Variants in DENND2C observed in about 807,000 individuals in gnomAD.
The protein encoded by DENND2C is DENN domain-containing protein 2C.
In DENND2C, 72 loss-of-function variants were observed where a neutral mutation model predicts 112.4. The ratio of observed to expected loss-of-function variants is 0.64; its 90% CI spans 0.53 to 0.78. The LOEUF is 0.78. Among genes scored for constraint, DENND2C ranks in the 30% least tolerant of loss-of-function variants. The probability of loss-of-function intolerance (pLI) is 0.00; values close to 1 mark genes in which losing one functional copy is unlikely to be tolerated. For missense variants in DENND2C, 992 were observed against 1,113.8 expected, an observed-to-expected ratio of 0.89 and a Z score of 1.56; for synonymous variants, 329 against 381.6, an observed-to-expected ratio of 0.86 and a Z score of 1.61.
At chr1:114,663,410 A>G (rs1657553692) in intron 1 of DENND2C, among the ~76,000 whole-genome samples, 1 of 152,246 alleles carries the variant, frequency 6.6e-6, no homozygotes. Flanking sequence ...CTCTGTATCT[A>G]AAGTTCCAAA....
chr1:114,587,325 G>C, intron 20 of DENND2C, 62 bp downstream of exon 20: 1 of 1,571,746 alleles, frequency 6.4e-7, no homozygotes, highest in Non-Finnish European at 8.8e-7. Flanking sequence ...GGAATTACAG[G>C]CATGAGCCAC....
chr1:114,644,096 A>T (rs796568980), intron 3 of DENND2C, among the ~76,000 whole-genome samples: 8 of 152,238 alleles, frequency 5.3e-5, no homozygotes, highest in African/African-American at 1.9e-4. Context: ...CTCCACCTTT[A>T]AAACAAATCA....
In DENND2C at chr1:114,587,951, A is replaced by G. The variant is rs1655086859; in HGVS notation, c.2433T>C (p.Asp811=). 6.2e-7 allele frequency: 1 copy of G among 1,611,708 alleles called. No individual in the cohort carries two copies. The highest frequency in any genetic ancestry group is 1.3e-5 in the African/African-American group (1 of 74,708). The change falls in exon 19 of 21, where the codon GAT becomes GAC. Residue 811 remains aspartate (D), a splice_region_variant and synonymous_variant. Coordinates refer to ENST00000393274, the MANE Select transcript of DENND2C (RefSeq NM_001256404.2). ...CGGACACCAGAGAGTTGAGTGTCAC[A>G]TCTGCTGCAACATGAAAAAGAAAAA... The part of the protein sequence containing the change: ...ILTQEQNFSQ[D]VTLNSLVSEA...
chr1:114,660,838 C>T (rs867861501), intron 1 of DENND2C, among the ~76,000 whole-genome samples: 2 of 152,018 alleles, frequency 1.3e-5, no homozygotes, highest in Admixed American at 6.6e-5. Flanking sequence ...TCCTGCCGGG[C>T]GTGGTGTCTC....
In DENND2C at chr1:114,587,444, A is replaced by C. The variant is rs1655067685; in HGVS notation, c.2698T>G (p.Leu900Val). 1 of 1,614,206 alleles carries C rather than the reference A, an allele frequency of 6.2e-7. No individual in the cohort carries two copies. Among genetic ancestry groups the C allele is most frequent in the Admixed American group, 1.7e-5 (1 of 60,028 alleles). ...GGCTCCGACTCAGGAATTGTTTCCA[A>C]ATACTGGATGGCCCGGATCTCAAAC... ...GLFEIRAIQY[L>V]ETIPESEPSG... The change falls in exon 20 of 21, where the codon TTG becomes GTG. Residue 900 changes from leucine to valine, a missense_variant. This residue lies in a region of DENND2C where 516 missense variants were observed against 623.6 expected (regional missense o/e 0.83). Transcript: ENST00000393274.
intron 10 of DENND2C, among the ~76,000 whole-genome samples, chr1:114,607,176 A>C (rs193113532): frequency 3.3e-5 from 5 of 152,366 alleles, no homozygotes; most frequent in Admixed American, 6.5e-5. Context: ...GAAGCAGCAG[A>C]AGGTGACACC....
chr1:114,612,462 C>T (rs572740478), intron 8 of DENND2C, among the ~76,000 whole-genome samples: 8 of 151,684 alleles, frequency 5.3e-5, no homozygotes, highest in Non-Finnish European at 8.8e-5. Flanking sequence ...ACTGATCCCC[C>T]CTACCTCAGC....
chr1:114,627,612 C>CT (rs1656382561), intron 3 of DENND2C, among the ~76,000 whole-genome samples: 1 of 148,692 alleles, frequency 6.7e-6, no homozygotes. Context: ...ATCCAAAAAA[C>CT]TTTAAGAAAT....
At chr1:114,600,431 C>CTTA (rs139820917) in intron 14 of DENND2C, 79 bp from the exon 15 acceptor site, 47,402 of 1,552,680 alleles carry the variant, frequency 0.031, 915 homozygotes, top group Non-Finnish European at 0.033. Context: ...TCCTGTTATT[C>CTTA]TTATATAAGT....
At chr1:114,600,764 T>C in intron 14 of DENND2C, 56 bp downstream of exon 14, 1 of 1,574,152 alleles carries the variant, frequency 6.4e-7, no homozygotes, top group Admixed American at 1.9e-5. Context: ...AACTGCCTAC[T>C]AGTGTAAGTC....
chr1:114,597,387 T>C (rs943293725), intron 16 of DENND2C, among the ~76,000 whole-genome samples: 1 of 150,876 alleles, frequency 6.6e-6, no homozygotes, highest in African/African-American at 2.4e-5. Flanking sequence ...GAGGTTGCAG[T>C]GAGCCGAGAT....
intron 16 of DENND2C, 73 bp downstream of exon 16, chr1:114,599,201 A>G (rs1263612167): frequency 8.5e-7 from 1 of 1,173,480 alleles, no homozygotes; most frequent in African/African-American, 1.5e-5. Context: ...ATTAATAACA[A>G]TTCCACCACT....
rs115220484 is a variant in DENND2C, at chr1:114,594,611, T to C, written c.2326-33A>G. On this transcript the variant is annotated intron_variant, in intron 17 of 20. Transcript: ENST00000393274. ...AGAAAAAAAAATGGAGATTTTTCTT[T>C]GTTTGAGATTTGAGGGATTAAGTCT... The C allele has an allele frequency of 2.2e-3, 3,407 of 1,572,012 alleles. 63 individuals are homozygous for C. In the African/African-American group the frequency reaches 0.039, roughly 18 times the overall value.
intron 11 of DENND2C, among the ~76,000 whole-genome samples, chr1:114,602,756 G>A (rs1655547278): frequency 3.9e-5 from 6 of 151,908 alleles, no homozygotes. Context: ...TAGAGATAAG[G>A]TCTCACTATC....
At chr1:114,599,068 A>G (rs561566922) in intron 16 of DENND2C, among the ~76,000 whole-genome samples, 10 of 152,286 alleles carry the variant, frequency 6.6e-5, no homozygotes, top group African/African-American at 2.4e-4. Context: ...TGTAAATAAG[A>G]TACAGCTTTG....
In DENND2C at chr1:114,623,584, C is replaced by T. The variant is rs370489313; in HGVS notation, c.866G>A (p.Arg289His). ...CCCAGAATTTCTTCCAAGTTCTTCA[C>T]GAATCGTCTGTGAGTTCCGATTTCG... ...HFRNRNSQTI[R>H]EELGRNSGSA... is the part of the protein sequence containing the mutation. The change falls in exon 5 of 21, where the codon CGT becomes CAT. Residue 289 changes from arginine (R) to histidine (H), a missense_variant. By Grantham distance (29) the Arg-to-His change is conservative. Transcript: ENST00000393274. 24 of 1,609,526 alleles carry T rather than the reference C, an allele frequency of 1.5e-5. No individual in the cohort carries two copies. Among genetic ancestry groups the T allele is most frequent in the East Asian group, 1.3e-4 (6 of 44,502 alleles).
intron 2 of DENND2C, among the ~76,000 whole-genome samples, chr1:114,646,929 G>A (rs1159020136): frequency 1.3e-5 from 2 of 152,136 alleles, no homozygotes; most frequent in Non-Finnish European, 2.9e-5. Context: ...GGAGGCTGAG[G>A]TGGGAGGATC....
At chr1:114,587,608 C>T in intron 19 of DENND2C, 108 bp downstream of exon 19, 1 of 1,417,754 alleles carries the variant, frequency 7.1e-7, no homozygotes, top group Non-Finnish European at 9.7e-7. Flanking sequence ...TAATAAACAA[C>T]TCAGATTTTA....
chr1:114,623,421 A>G (rs1035956925), intron 5 of DENND2C, 86 bp downstream of exon 5: 4 of 1,347,072 alleles, frequency 3.0e-6, no homozygotes, highest in Non-Finnish European at 4.1e-6. Flanking sequence ...TATATGCTTG[A>G]TTATAGAAGA....
Sources: allele counts gnomAD v4.1 joint callset (sites outside exome capture counted in the v4.1 genomes callset), GRCh38; gene constraint gnomAD v4.1.1; regional missense constraint gnomAD v4.1.1; transcripts MANE v1.5; gene names NCBI Gene and HGNC (gene_info 2026-07-23, HGNC 2026-07-21).